Variants in SEC13 observed in about 807,000 individuals in gnomAD.
SEC13 encodes SEC13 homolog, nuclear pore and COPII component, also known as protein SEC13 homolog.
SEC13 carries 25 observed loss-of-function variants against 49.2 expected under a neutral mutation model. The observed-to-expected ratio is 0.51, with a 90% CI of 0.37 to 0.71. The LOEUF (loss-of-function observed/expected upper bound fraction) is 0.71, where lower values mean the gene tolerates loss of function less well. Ranked by LOEUF, SEC13 falls within the 30% of genes least tolerant of loss-of-function variation. The pLI, the probability that SEC13 is intolerant of heterozygous loss-of-function variation, is 0.00. For synonymous variants in SEC13, 148 were observed against 163.9 expected, an observed-to-expected ratio of 0.90 and a Z score of 0.74; for missense variants, 383 against 417.6, an observed-to-expected ratio of 0.92 and a Z score of 0.72.
At chr3:10,319,761 TGAGAGAGAGAGAGAGA>T (rs34434283) in intron 1 of SEC13, among the ~76,000 whole-genome samples, 16 of 45,508 alleles carry the variant, frequency 3.5e-4, no homozygotes, top group African/African-American at 1.7e-3. Context: ...CACTTCTGAA[TGAGAGAGAGAGAGAGA>T]GAGAGAGAGA....
intron 5 of SEC13, among the ~76,000 whole-genome samples, chr3:10,311,018 G>GCTGA (rs1701218002): frequency 7.0e-6 from 1 of 143,818 alleles, no homozygotes; most frequent in Non-Finnish European, 1.5e-5. Flanking sequence ...TCATTATAAT[G>GCTGA]CTGACAAGAT....
intron 5 of SEC13, chr3:10,306,001 A>G (rs543421908): frequency 7.6e-4 from 165 of 216,220 alleles, no homozygotes; most frequent in African/African-American, 3.2e-3. Flanking sequence ...CTTTTATTAT[A>G]AAGTAATAGA....
Position 10,302,423 on chromosome 3 carries a change from C to T in SEC13, c.856-1049G>A, listed in dbSNP as rs191943377. ...CCTTTAGGTAAGGGTGCTATGGAGA[C>T]AGCGAAAGGAAACAGGCTTGTAAAG... On this transcript the variant is annotated intron_variant, in intron 8 of 8. Transcript: ENST00000350697. Among the ~76,000 whole-genome samples the T allele has an allele frequency of 2.5e-3, 382 of 152,280 alleles. 2 individuals carry two copies. The highest frequency in any genetic ancestry group is 8.9e-3 in the African/African-American group (368 of 41,552).
intron 8 of SEC13, among the ~76,000 whole-genome samples, chr3:10,302,245 A>G (rs1307495384): frequency 6.6e-6 from 1 of 152,200 alleles, no homozygotes; most frequent in Non-Finnish European, 1.5e-5. Flanking sequence ...CTCAAAAAAC[A>G]AAACAAAAAA....
rs562938805 is a variant in SEC13 at position 10,304,166 on chromosome 3, G to A, written c.715C>T (p.Arg239Cys). Residue 239 changes from arginine to cysteine, a missense_variant, in exon 8 of 9, where the codon CGT becomes TGT. Coordinates refer to ENST00000350697, the MANE Select transcript of SEC13 (RefSeq NM_183352.3). ...STIASCSQDG[R>C]VFIWTCDDAS... ...TCATCACAGGTCCAAATGAACACAC[G>A]ACCATCCTAGGAAGAAACAGGATAG... 6.8e-6 allele frequency: 11 copies of A among 1,613,894 alleles called. No individual in the cohort carries two copies. Among genetic ancestry groups the A allele is most frequent in the African/African-American group, 4.0e-5 (3 of 74,996 alleles).
intron 1 of SEC13, chr3:10,320,483 T>C (rs778005804): frequency 3.9e-5 from 38 of 984,202 alleles, no homozygotes; most frequent in Non-Finnish European, 4.6e-5. Context: ...AGGCCATCTT[T>C]ACGTTTCCCG....
chr3:10,301,520 C>G (rs78073220), intron 8 of SEC13, 146 bp from the exon 9 acceptor site: 1 of 1,013,992 alleles, frequency 9.9e-7, no homozygotes, highest in Non-Finnish European at 1.4e-6. Context: ...GAAATCTCAC[C>G]AAAATGAGAG....
At chr3:10,319,565 A>T (rs1574896616) in intron 1 of SEC13, among the ~76,000 whole-genome samples, 1 of 151,454 alleles carries the variant, frequency 6.6e-6, no homozygotes, top group Non-Finnish European at 1.5e-5. Flanking sequence ...ACAAAACTTC[A>T]CTCCACCAGG....
intron 2 of SEC13, among the ~76,000 whole-genome samples, chr3:10,316,424 T>C (rs1701610380): frequency 6.6e-6 from 1 of 152,126 alleles, no homozygotes. Flanking sequence ...GATTTTTCTT[T>C]GGGAACTCCC....
chr3:10,308,502 T>G (rs1033386007), intron 5 of SEC13, among the ~76,000 whole-genome samples: 1 of 152,274 alleles, frequency 6.6e-6, no homozygotes, highest in Non-Finnish European at 1.5e-5. Flanking sequence ...TTTCCAGTTT[T>G]TGGCTATTAA....
In SEC13 at chr3:10,304,186, G is replaced by T. The variant is rs1426058562; in HGVS notation, c.709-14C>A. ...CACACGACCATCCTAGGAAGAAACA[G>T]GATAGAGTCAGGAGGTGGAGTCAAG... On this transcript the variant is annotated splice_polypyrimidine_tract_variant and intron_variant, in intron 7 of 8. Coordinates refer to ENST00000350697, the MANE Select transcript of SEC13 (RefSeq NM_183352.3). 6.8e-6 allele frequency: 11 copies of T among 1,613,374 alleles called. No homozygotes were observed. The highest frequency in any genetic ancestry group is 8.5e-6 in the Non-Finnish European group (10 of 1,179,692).
intron 5 of SEC13, among the ~76,000 whole-genome samples, chr3:10,308,993 A>T (rs1339638314): frequency 7.3e-6 from 1 of 137,756 alleles, no homozygotes; most frequent in Admixed American, 7.7e-5. Context: ...GCTGGATTAT[A>T]ATGGCGTGAT....
At chr3:10,308,933 A>ATTTTT (rs56801249) in intron 5 of SEC13, among the ~76,000 whole-genome samples, 3 of 102,364 alleles carry the variant, frequency 2.9e-5, no homozygotes, top group African/African-American at 4.1e-5. Flanking sequence ...CCTGGCCTTG[A>ATTTTT]TTTTTTTTTT....
chr3:10,314,182 G>A (rs917955831), intron 3 of SEC13, among the ~76,000 whole-genome samples: 2 of 151,976 alleles, frequency 1.3e-5, no homozygotes, highest in Admixed American at 1.3e-4. Flanking sequence ...TGGCACCATC[G>A]TGGCTCACTG....
At chr3:10,303,374 T>C (rs1700664891) in intron 8 of SEC13, among the ~76,000 whole-genome samples, 1 of 152,242 alleles carries the variant, frequency 6.6e-6, no homozygotes, top group Non-Finnish European at 1.5e-5. Flanking sequence ...GGCAGATGGC[T>C]ATGGCTTGTT....
At chr3:10,304,302 A>C in intron 7 of SEC13, 130 bp from the exon 8 acceptor site, 1 of 862,608 alleles carries the variant, frequency 1.2e-6, no homozygotes. Context: ...AGGGGAGCCG[A>C]GGACCTCTGG....
At chr3:10,316,574 T>G (rs1356026290) in intron 2 of SEC13, among the ~76,000 whole-genome samples, 1 of 152,198 alleles carries the variant, frequency 6.6e-6, no homozygotes, top group Non-Finnish European at 1.5e-5. Context: ...TTACCTGCTG[T>G]GCAAACTTTG....
intron 8 of SEC13, among the ~76,000 whole-genome samples, chr3:10,302,256 CAA>C (rs1700580977): frequency 6.6e-6 from 1 of 152,016 alleles, no homozygotes; most frequent in Admixed American, 6.6e-5. Context: ...AAACAAAAAA[CAA>C]AAACAATCTA....
At chr3:10,307,612 C>A (rs1700971387) in intron 5 of SEC13, among the ~76,000 whole-genome samples, 1 of 152,154 alleles carries the variant, frequency 6.6e-6, no homozygotes, top group African/African-American at 2.4e-5. Context: ...CTTCATAAAA[C>A]CATCAGATCT....
Sources: gnomAD v4.1 joint callset for allele counts (sites outside exome capture counted in the v4.1 genomes callset) on GRCh38, gnomAD v4.1.1 for gene constraint, MANE v1.5 for transcripts, NCBI Gene and HGNC (gene_info 2026-07-23, HGNC 2026-07-21) for gene names.